Variants in MCM10 observed in about 807,000 individuals in gnomAD.
MCM10 encodes minichromosome maintenance 10 replication initiation factor.
A neutral mutation model predicts 109.9 loss-of-function variants in MCM10; 91 were observed. That is an observed-to-expected ratio of 0.83 (90% CI 0.70 to 0.99). The LOEUF is 0.99. MCM10 is among the 50% of genes least tolerant of loss of function. MCM10 has a pLI of 0.00. For synonymous variants in MCM10, 380 were observed against 387.2 expected (o/e 0.98, Z 0.22); for missense variants, 1,077 against 1,061.2 (o/e 1.01, Z -0.21).
intron 2 of MCM10, among the ~76,000 whole-genome samples, chr10:13,168,674 T>G (rs1834032754): frequency 6.6e-6 from 1 of 152,222 alleles, no homozygotes; most frequent in Non-Finnish European, 1.5e-5. Flanking sequence ...AAACAATTCT[T>G]AACCTCACCA....
At chr10:13,163,831 C>G (rs1165758580) in intron 1 of MCM10, among the ~76,000 whole-genome samples, 1 of 152,144 alleles carries the variant, frequency 6.6e-6, no homozygotes, top group Non-Finnish European at 1.5e-5. Context: ...TGTACCTAGC[C>G]AACCCCAATA....
At position 13,182,970 on chromosome 10, in the gene MCM10, G is replaced by C; in HGVS notation, c.968G>C (p.Arg323Pro). ...TFSIWKLNDLRDLTQCVSLFL... is the reference protein window; with the variant it reads ...TFSIWKLNDLPDLTQCVSLFL... Reference sequence around the variant, plus strand: ...AGCATATGGAAACTGAATGATCTTCGTGACCTGACACAATGTGTGTCCTTG... The same window carrying C: ...AGCATATGGAAACTGAATGATCTTCCTGACCTGACACAATGTGTGTCCTTG... Residue 323 changes from arginine to proline, a missense_variant, in exon 8 of 20, where the codon CGT (arginine) becomes CCT (proline). By Grantham distance (103) the Arg-to-Pro change is moderately radical. Transcript: ENST00000378714. This position sits in a 1 kb window ranked among gnomAD's most constrained non-coding sequence, Gnocchi z 4.2. The C allele has an allele frequency of 6.2e-7, 1 of 1,613,932 alleles. No individual in the cohort carries two copies. The highest frequency in any genetic ancestry group is 8.5e-7 in the Non-Finnish European group (1 of 1,179,956).
chr10:13,193,543 G>T (rs1213179433), intron 13 of MCM10, among the ~76,000 whole-genome samples: 1 of 152,098 alleles, frequency 6.6e-6, no homozygotes, highest in Non-Finnish European at 1.5e-5. Context: ...GTTGTGCTCT[G>T]GTGCTGAACC....
chr10:13,207,988 C>G (rs1034720996), intron 18 of MCM10, among the ~76,000 whole-genome samples: 1 of 136,822 alleles, frequency 7.3e-6, no homozygotes, highest in Non-Finnish European at 1.6e-5. Flanking sequence ...TGTCTTCTCT[C>G]TTTCTCTCTC....
chr10:13,185,165 G>A (rs569381654), intron 8 of MCM10, among the ~76,000 whole-genome samples: 91 of 152,148 alleles, frequency 6.0e-4, no homozygotes, highest in Non-Finnish European at 1.0e-3. Flanking sequence ...ACTCCAGGCA[G>A]GCAGAGTCCT....
chr10:13,180,541 G>A lies in MCM10; in HGVS notation c.864G>A (p.Leu288=). 6.2e-7 allele frequency: 1 copy of A among 1,614,140 alleles called. No individual in the cohort carries two copies. The highest frequency in any genetic ancestry group is 8.5e-7 in the Non-Finnish European group (1 of 1,180,030). ...AGGAAAAGATGGCCAGAGAGAAGCTGGAAGAAATAGATTGGGTGACATTTG... is the reference window on the plus strand; with the variant it reads ...AGGAAAAGATGGCCAGAGAGAAGCTAGAAGAAATAGATTGGGTGACATTTG... ...QIKEKMAREK[L]EEIDWVTFGV... Residue 288 remains leucine, a synonymous_variant, in exon 7 of 20, where the codon CTG becomes CTA. Coordinates refer to ENST00000378714, the MANE Select transcript of MCM10 (RefSeq NM_018518.5).
In MCM10 at chr10:13,171,077, T is replaced by C; in HGVS notation, c.163T>C (p.Tyr55His). 6.2e-7 allele frequency: 1 copy of C among 1,614,194 alleles called. No homozygotes were observed. Among genetic ancestry groups the C allele is most frequent in the Non-Finnish European group, 8.5e-7 (1 of 1,180,036 alleles). ...TGATGCCGACGGCGACGGTGAATCTTATACAGAAGAGGCTGATGATGGAGA... is the reference window on the plus strand; with the variant it reads ...TGATGCCGACGGCGACGGTGAATCTCATACAGAAGAGGCTGATGATGGAGA... ...LFDADGDGES[Y>H]TEEADDGETG... Residue 55 changes from tyrosine (Y) to histidine (H), a missense_variant, in exon 3 of 20, where the codon TAT (tyrosine) becomes CAT (histidine). By Grantham distance (83) the Tyr-to-His change is moderately conservative (BLOSUM62 2). Transcript: ENST00000378714.
intron 3 of MCM10, 64 bp downstream of exon 3, chr10:13,171,327 T>G (rs994201974): frequency 2.9e-6 from 4 of 1,379,196 alleles, no homozygotes; most frequent in Non-Finnish European, 3.9e-6. Flanking sequence ...ACCAATCTGA[T>G]AGTTGTCATC....
At chr10:13,190,764 A>G (rs1357601821) in intron 10 of MCM10, among the ~76,000 whole-genome samples, 1 of 151,342 alleles carries the variant, frequency 6.6e-6, no homozygotes, top group African/African-American at 2.4e-5. Flanking sequence ...GTACATTTTT[A>G]GTAATATAAA....
intron 9 of MCM10, among the ~76,000 whole-genome samples, chr10:13,186,767 A>T (rs1220705693): frequency 6.6e-6 from 1 of 152,162 alleles, no homozygotes; most frequent in African/African-American, 2.4e-5. Flanking sequence ...CGAGGCGGAC[A>T]GATCATCTGA....
intron 5 of MCM10, among the ~76,000 whole-genome samples, chr10:13,173,599 A>G (rs1834103871): frequency 1.3e-5 from 2 of 152,186 alleles, no homozygotes; most frequent in Non-Finnish European, 2.9e-5. Context: ...AGGACACAGC[A>G]TTTTATTGGC....
chr10:13,202,955 G>A (rs775127887), intron 17 of MCM10, among the ~76,000 whole-genome samples: 5 of 151,966 alleles, frequency 3.3e-5, no homozygotes, highest in East Asian at 1.9e-4. Flanking sequence ...AGCGATTCTC[G>A]TGTCTCAGCC....
At chr10:13,163,175 CA>C (rs1251210690) in intron 1 of MCM10, among the ~76,000 whole-genome samples, 1 of 151,374 alleles carries the variant, frequency 6.6e-6, no homozygotes, top group African/African-American at 2.4e-5. Context: ...CCTGTCTCTA[CA>C]AAAAACACAA....
At chr10:13,208,254 G>A (rs1170802197) in intron 18 of MCM10, among the ~76,000 whole-genome samples, 2 of 151,972 alleles carry the variant, frequency 1.3e-5, no homozygotes, top group Non-Finnish European at 2.9e-5. Flanking sequence ...GCATGGTGGT[G>A]TACACCTTTG....
chr10:13,180,635 G>C, intron 7 of MCM10, 28 bp downstream of exon 7: 1 of 1,610,592 alleles, frequency 6.2e-7, no homozygotes, highest in Non-Finnish European at 8.5e-7. Context: ...TTTCTTAGCT[G>C]TTTTACTACA....
intron 13 of MCM10, 120 bp from the exon 14 acceptor site, chr10:13,194,921 T>A: frequency 1.3e-6 from 1 of 756,922 alleles, no homozygotes; most frequent in African/African-American, 1.8e-5. Flanking sequence ...GGGGACATTA[T>A]TTTGCTAACA....
intron 3 of MCM10, 103 bp downstream of exon 3, chr10:13,171,366 T>G: frequency 1.8e-6 from 2 of 1,085,398 alleles, no homozygotes; most frequent in Non-Finnish European, 2.6e-6. Context: ...AGGGTAGAGA[T>G]AAATGACTTT....
rs1381491509 is a variant in MCM10, at chr10:13,175,522, C to T, written c.605C>T (p.Ser202Leu). The change falls in exon 6 of 20, where the codon TCA (serine) becomes TTA (leucine). Residue 202 changes from serine to leucine, a missense_variant. By Grantham distance (145) the Ser-to-Leu change is moderately radical (BLOSUM62 -2). Coordinates refer to ENST00000378714, the MANE Select transcript of MCM10 (RefSeq NM_018518.5). ...PKASPPDPKSSSSRMTSAPSQ... is the reference protein window; with the variant it reads ...PKASPPDPKSLSSRMTSAPSQ... ...GTTAATTTTCTAGATCCCAAAAGCTCATCTTCAAGGATGACAAGTGCACCC... is the reference window on the plus strand; with the variant it reads ...GTTAATTTTCTAGATCCCAAAAGCTTATCTTCAAGGATGACAAGTGCACCC... 1.9e-6 allele frequency: 3 copies of T among 1,613,830 alleles called. No homozygotes were observed. Among genetic ancestry groups the T allele is most frequent in the Non-Finnish European group, 2.5e-6 (3 of 1,179,820 alleles).
At position 13,210,764 on chromosome 10, in the gene MCM10, A is replaced by G. The variant is rs540776499; in HGVS notation, c.*1454A>G. ...CTTTTCTTTTTAATTTTTTCTAACA[A>G]AGAAAAGAATAAAGTATTTATTAAT... On this transcript the variant is annotated 3_prime_UTR_variant, in exon 20 of 20. Transcript: ENST00000378714. 17 of 152,286 alleles carry G rather than the reference A, an allele frequency of 1.1e-4. No homozygotes were observed. The highest frequency in any genetic ancestry group is 4.1e-4 in the African/African-American group (17 of 41,556). 9.4% of individuals were successfully genotyped at this position (152,286 alleles called of 1,614,324 possible). A position where few individuals can be genotyped will look rare whatever the true frequency, so the allele number is the denominator to read the frequency against.
Sources: allele counts gnomAD v4.1 joint callset (sites outside exome capture counted in the v4.1 genomes callset), GRCh38; gene constraint gnomAD v4.1.1; non-coding constraint Gnocchi (gnomAD v3.1); transcripts MANE v1.5; gene names NCBI Gene and HGNC (gene_info 2026-07-23, HGNC 2026-07-21).